The following CCDC148 variants were observed in gnomAD, a reference collection of about 807,000 sequenced individuals.
The protein encoded by CCDC148 is coiled-coil domain containing 148.
CCDC148 carries 89 observed loss-of-function variants against 85.7 expected under a neutral mutation model. The observed-to-expected ratio is 1.04, with a 90% confidence interval of 0.87 to 1.24. The LOEUF is 1.24. Among genes scored for constraint, CCDC148 ranks in the 50% most tolerant of loss-of-function variants. CCDC148 has a pLI of 0.00. For missense variants in CCDC148, 692 were observed against 671.7 expected, an observed-to-expected ratio of 1.03 and a Z score of -0.33; for synonymous variants, 230 against 213.9, an observed-to-expected ratio of 1.08 and a Z score of -0.66.
At chr2:158,207,639 T>C (rs1368609833) in intron 11 of CCDC148, 2 of 152,084 alleles carry the variant, frequency 1.3e-5, no homozygotes, top group Non-Finnish European at 2.9e-5. Context: ...GTTGGAACAA[T>C]AGACCTATCA....
At chr2:158,312,207 G>C (rs945227672) in intron 8 of CCDC148, among the ~76,000 whole-genome samples, 10 of 152,286 alleles carry the variant, frequency 6.6e-5, no homozygotes, top group African/African-American at 2.2e-4. Flanking sequence ...CTAAGTATCA[G>C]CTACTAAAAT....
chr2:158,216,645 A>C (rs962380477), intron 11 of CCDC148, among the ~76,000 whole-genome samples: 1 of 152,082 alleles, frequency 6.6e-6, no homozygotes, highest in Non-Finnish European at 1.5e-5. Context: ...AGACTGGGTG[A>C]CTTGAACAAC....
At chr2:158,317,668 C>A (rs559001113) in intron 7 of CCDC148, among the ~76,000 whole-genome samples, 4 of 152,108 alleles carry the variant, frequency 2.6e-5, no homozygotes, top group Non-Finnish European at 1.5e-5. Flanking sequence ...GTTCTGGTTC[C>A]GTGACATTCA....
chr2:158,212,557 A>G (rs966341151), intron 11 of CCDC148, among the ~76,000 whole-genome samples: 18 of 152,278 alleles, frequency 1.2e-4, no homozygotes, highest in African/African-American at 3.8e-4. Context: ...TTAGTGTTAG[A>G]AAGGCAGCTG....
chr2:158,373,458 A>G (rs1401355516), intron 1 of CCDC148, among the ~76,000 whole-genome samples: 12 of 152,004 alleles, frequency 7.9e-5, no homozygotes, highest in Admixed American at 7.9e-4. Flanking sequence ...TACACACACT[A>G]TTACCTATGC....
rs1279510746 is a variant in CCDC148 at position 158,172,175 on chromosome 2, G to C, written c.1714C>G (p.Pro572Ala). 10 of 1,609,394 alleles carry C rather than the reference G, an allele frequency of 6.2e-6. No individual in the cohort carries two copies. The highest frequency in any genetic ancestry group is 8.5e-6 in the Non-Finnish European group (10 of 1,177,256). ...GGAGGTTTTTGAGGACTAATTTTTGGTAATATCTCTTTAGCATAAAGTGTT... is the reference window on the plus strand; with the variant it reads ...GGAGGTTTTTGAGGACTAATTTTTGCTAATATCTCTTTAGCATAAAGTGTT... ...HRTLYAKEIL[P>A]KISPQKPPRK... The change falls in exon 14 of 14, where the codon CCA (proline) becomes GCA (alanine). Residue 572 changes from proline to alanine, a missense_variant. Pro to Ala is a conservative substitution (Grantham distance 27). Coordinates refer to ENST00000283233, the MANE Select transcript of CCDC148 (RefSeq NM_138803.4).
At chr2:158,253,188 C>G (rs1559020043) in intron 9 of CCDC148, among the ~76,000 whole-genome samples, 2 of 151,756 alleles carry the variant, frequency 1.3e-5, no homozygotes, top group African/African-American at 4.8e-5. Flanking sequence ...CATCCAAAGT[C>G]TTTCTGCCAG....
At chr2:158,212,687 TG>T (rs1177460309) in intron 11 of CCDC148, among the ~76,000 whole-genome samples, 3 of 152,220 alleles carry the variant, frequency 2.0e-5, no homozygotes, top group African/African-American at 7.2e-5. Context: ...GTGCTGCTTT[TG>T]TTTTTTGTAC....
At chr2:158,275,868 A>C (rs1689916820) in intron 9 of CCDC148, among the ~76,000 whole-genome samples, 1 of 152,188 alleles carries the variant, frequency 6.6e-6, no homozygotes, top group South Asian at 2.1e-4. Context: ...TCTTCTATGC[A>C]CATCATCAGT....
chr2:158,271,335 C>T (rs1689689877), intron 9 of CCDC148, among the ~76,000 whole-genome samples: 1 of 152,106 alleles, frequency 6.6e-6, no homozygotes, highest in African/African-American at 2.4e-5. Flanking sequence ...CCAAGGTCAG[C>T]CATGGTTAGA....
chr2:158,424,797 G>T, intron 1 of CCDC148: 1 of 193,302 alleles, frequency 5.2e-6, no homozygotes, highest in South Asian at 9.7e-5. Context: ...ACAAATTAAA[G>T]AATATATTGG....
At chr2:158,408,951 T>G (rs1278018653) in intron 1 of CCDC148, among the ~76,000 whole-genome samples, 2 of 152,148 alleles carry the variant, frequency 1.3e-5, no homozygotes, top group Non-Finnish European at 2.9e-5. Context: ...TCTCAAATAC[T>G]TGTCAGCCAT....
At chr2:158,303,499 T>A (rs948120514) in intron 9 of CCDC148, among the ~76,000 whole-genome samples, 1 of 152,160 alleles carries the variant, frequency 6.6e-6, no homozygotes, top group Admixed American at 6.5e-5. Flanking sequence ...TTAAAAAAAA[T>A]TATAAGCATA....
At chr2:158,316,057 T>C (rs562722681) in intron 7 of CCDC148, among the ~76,000 whole-genome samples, 1 of 152,318 alleles carries the variant, frequency 6.6e-6, no homozygotes, top group African/African-American at 2.4e-5. Flanking sequence ...TCAGCTTTGT[T>C]TCAATAGAAC....
intron 7 of CCDC148, among the ~76,000 whole-genome samples, chr2:158,316,545 A>G (rs1265312195): frequency 6.6e-6 from 1 of 152,196 alleles, no homozygotes; most frequent in Non-Finnish European, 1.5e-5. Flanking sequence ...TCAAATTGCA[A>G]GTCACTTTTT....
At chr2:158,380,206 T>C (rs1684815127) in intron 1 of CCDC148, among the ~76,000 whole-genome samples, 1 of 152,112 alleles carries the variant, frequency 6.6e-6, no homozygotes, top group Admixed American at 6.6e-5. Context: ...GAATTATCTA[T>C]TTGGAGAAAA....
rs777356867 is a variant in CCDC148, at chr2:158,323,919, C to CTTTTTTTTTTTTTTTTTTTT, written c.765-10045_765-10026dup. On this transcript the variant is annotated intron_variant, in intron 7 of 13. Transcript: ENST00000283233. ...GTCTAATTTCACCACCTGGGAATAACTTTTTTTTTTTTTTTTTTTTTTTTT... is the reference window on the plus strand; with the variant it reads ...GTCTAATTTCACCACCTGGGAATAACTTTTTTTTTTTTTTTTTTTTTTTTTTTTTTTTTTTTTTTTTTTTT... 7.2e-5 allele frequency among the ~76,000 whole-genome samples: 6 copies of CTTTTTTTTTTTTTTTTTTTT among 82,970 alleles called. 2 individuals carry two copies. The highest frequency in any genetic ancestry group is 1.5e-4 in the Admixed American group (1 of 6,622). The allele number at this position is 82,970 out of a possible 152,430, so 54.4% of individuals were successfully genotyped here. A position where few individuals can be genotyped will look rare whatever the true frequency, so the allele number is the denominator to read the frequency against.
Position 158,294,085 on chromosome 2 carries a change from A to G in CCDC148, c.1110+15348T>C, listed in dbSNP as rs189866967. On this transcript the variant is annotated intron_variant, in intron 9 of 13. Transcript: ENST00000283233. ...CCTTCCGCCTTGGAAATCCCTCCCC[A>G]TCCCCACCCCGCCAAGTCCTCTGCA... Among the ~76,000 whole-genome samples the G allele has an allele frequency of 9.5e-3, 1,219 of 128,026 alleles. 14 individuals are homozygous for G. The highest frequency in any genetic ancestry group is 0.028 in the South Asian group (105 of 3,714). 84.0% of individuals were successfully genotyped at this position (128,026 alleles called of 152,430 possible). A position where few individuals can be genotyped will look rare whatever the true frequency, so the allele number is the denominator to read the frequency against.
chr2:158,329,029 T>C (rs549517570), intron 7 of CCDC148, among the ~76,000 whole-genome samples: 1 of 152,342 alleles, frequency 6.6e-6, no homozygotes, highest in African/African-American at 2.4e-5. Context: ...CTAGATCCCA[T>C]TTGTCAGTTT....
Sources: allele counts gnomAD v4.1 joint callset (sites outside exome capture counted in the v4.1 genomes callset), GRCh38; gene constraint gnomAD v4.1.1; transcripts MANE v1.5; gene names NCBI Gene and HGNC (gene_info 2026-07-23, HGNC 2026-07-21).